FBN2: variants seen among roughly 807,000 people sequenced by gnomAD.
The protein encoded by FBN2 is fibrillin 2.
In FBN2, 105 loss-of-function variants were observed where a neutral mutation model predicts 355.6. That is an observed-to-expected ratio of 0.30 (90% CI 0.25 to 0.35). The LOEUF (loss-of-function observed/expected upper bound fraction) is 0.35. Among genes scored for constraint, FBN2 ranks in the 10% least tolerant of loss-of-function variants. FBN2 has a pLI of 1.00. For synonymous variants in FBN2, 1,350 were observed against 1,301.2 expected, an observed-to-expected ratio of 1.04 and a Z score of -0.81; for missense variants, 3,280 against 3,758.7, an observed-to-expected ratio of 0.87 and a Z score of 3.33.
At chr5:128,325,389 T>C (rs1273044127) in intron 34 of FBN2, among the ~76,000 whole-genome samples, 2 of 152,254 alleles carry the variant, frequency 1.3e-5, no homozygotes, top group African/African-American at 4.8e-5. Flanking sequence ...TTGATCTCTG[T>C]TGGCTTAAAG....
intron 41 of FBN2, among the ~76,000 whole-genome samples, chr5:128,307,412 C>T (rs539441882): frequency 2.0e-5 from 3 of 152,138 alleles, no homozygotes; most frequent in South Asian, 2.1e-4. Context: ...ATTTCTATTA[C>T]TCTCATTAAC....
chr5:128,472,354 T>C (rs921539201), intron 5 of FBN2, among the ~76,000 whole-genome samples: 6 of 151,998 alleles, frequency 3.9e-5, no homozygotes, highest in Admixed American at 6.5e-5. Context: ...TGGCAGGGGT[T>C]TGGGGTGGGA....
At chr5:128,463,850 C>T (rs956336506) in intron 6 of FBN2, among the ~76,000 whole-genome samples, 4 of 152,128 alleles carry the variant, frequency 2.6e-5, no homozygotes, top group Admixed American at 2.6e-4. Context: ...ATAACCCTAA[C>T]TCTCAAAGTC....
intron 5 of FBN2, among the ~76,000 whole-genome samples, chr5:128,502,211 G>C (rs191976545): frequency 6.7e-6 from 1 of 148,550 alleles, no homozygotes; most frequent in African/African-American, 2.5e-5. Flanking sequence ...ACAATAGAAC[G>C]TTTCTCCAAA....
intron 4 of FBN2, among the ~76,000 whole-genome samples, chr5:128,525,765 G>A (rs1440088729): frequency 2.0e-5 from 3 of 152,250 alleles, no homozygotes; most frequent in Admixed American, 6.5e-5. Flanking sequence ...GCTTATTTTT[G>A]TACTTCCCAT....
In FBN2 at chr5:128,395,227, C is replaced by A. The variant is rs746951402; in HGVS notation, c.1126G>T (p.Ala376Ser). 6.8e-6 allele frequency: 11 copies of A among 1,614,082 alleles called. No homozygotes were observed. Among genetic ancestry groups the A allele is most frequent in the Non-Finnish European group, 8.5e-6 (10 of 1,180,000 alleles). The change falls in exon 9 of 65, where the codon GCA becomes TCA. Residue 376 changes from alanine to serine, a missense_variant. Ala to Ser is a moderately conservative substitution (Grantham distance 99). Coordinates refer to ENST00000262464, the MANE Select transcript of FBN2 (RefSeq NM_001999.4). The stretch of plus-strand genomic sequence containing the variant: ...GTCATTCTCCCCGGGAGCTCTTGTG[C>A]ACAGCGGCCATTCACCAGGCCCGAG... ...CFSGLVNGRCAQELPGRMTKM... is the reference protein window; with the variant it reads ...CFSGLVNGRCSQELPGRMTKM...
intron 5 of FBN2, among the ~76,000 whole-genome samples, chr5:128,479,974 CTCTATATA>C (rs1360878520): frequency 3.7e-3 from 64 of 17,208 alleles, no homozygotes; most frequent in Non-Finnish European, 4.1e-3. Flanking sequence ...CTCTCTCTCT[CTCTATATA>C]TATATATATA....
At chr5:128,371,799 T>C (rs1199392323) in intron 15 of FBN2, among the ~76,000 whole-genome samples, 2 of 152,086 alleles carry the variant, frequency 1.3e-5, no homozygotes, top group Admixed American at 6.6e-5. Flanking sequence ...TCCCAAAGTG[T>C]TGGGATTACA....
intron 34 of FBN2, among the ~76,000 whole-genome samples, chr5:128,320,584 C>T (rs1045742917): frequency 3.0e-4 from 45 of 152,162 alleles, no homozygotes; most frequent in African/African-American, 8.4e-4. Context: ...TATAAAAGAA[C>T]GCATTTTAAA....
intron 11 of FBN2, among the ~76,000 whole-genome samples, chr5:128,387,183 T>A (rs1752388276): frequency 6.6e-6 from 1 of 152,184 alleles, no homozygotes; most frequent in Admixed American, 6.5e-5. Flanking sequence ...ATGTTATGTT[T>A]CCAGGAATTT....
Position 128,361,761 on chromosome 5 carries a change from G to A in FBN2, c.2516C>T (p.Pro839Leu), listed in dbSNP as rs1283323687. Residue 839 changes from proline (P) to leucine (L), a missense_variant, in exon 19 of 65, where the codon CCA becomes CTA. Transcript: ENST00000262464. ...TPGSYSCTCPPGYVFRTETET... is the reference protein window; with the variant it reads ...TPGSYSCTCPLGYVFRTETET... ...TGTCTCAGTCCTGAACACATACCCT[G>A]GTGGGCACGTACAGCTGTAACTTCC... 6.2e-7 allele frequency: 1 copy of A among 1,613,986 alleles called. No homozygotes were observed. Among genetic ancestry groups the A allele is most frequent in the Non-Finnish European group, 8.5e-7 (1 of 1,179,992 alleles).
chr5:128,487,399 T>A (rs1181618804), intron 5 of FBN2, among the ~76,000 whole-genome samples: 4 of 152,206 alleles, frequency 2.6e-5, no homozygotes, highest in Non-Finnish European at 5.9e-5. Context: ...TAGGCCATAC[T>A]GACTAATACA....
At chr5:128,523,728 A>G (rs938688157) in intron 4 of FBN2, among the ~76,000 whole-genome samples, 6 of 151,992 alleles carry the variant, frequency 3.9e-5, no homozygotes, top group African/African-American at 1.5e-4. Flanking sequence ...CTATTAATCC[A>G]GCAGCTCCAC....
At chr5:128,478,774 A>C (rs1755071433) in intron 5 of FBN2, among the ~76,000 whole-genome samples, 1 of 152,210 alleles carries the variant, frequency 6.6e-6, no homozygotes, top group African/African-American at 2.4e-5. Flanking sequence ...GGTCAAATAT[A>C]TTACAAGTTG....
At chr5:128,271,251 T>TG (rs1274509996) in intron 62 of FBN2, among the ~76,000 whole-genome samples, 2 of 152,220 alleles carry the variant, frequency 1.3e-5, no homozygotes, top group Non-Finnish European at 2.9e-5. Context: ...AGGACCACAG[T>TG]GCCCCTTTCT....
intron 7 of FBN2, chr5:128,442,284 C>A (rs1186350835): frequency 2.2e-6 from 1 of 455,676 alleles, no homozygotes; most frequent in East Asian, 7.0e-5. Flanking sequence ...GAAAGAATAA[C>A]TAGCTCAAGG....
chr5:128,512,436 C>G (rs1008122253), intron 5 of FBN2, among the ~76,000 whole-genome samples: 1 of 142,032 alleles, frequency 7.0e-6, no homozygotes, highest in Non-Finnish European at 1.5e-5. Context: ...TAGCTTGAAC[C>G]GGGGAGGCGG....
chr5:128,275,763 G>A (rs546388281), intron 59 of FBN2, among the ~76,000 whole-genome samples: 134 of 152,124 alleles, frequency 8.8e-4, no homozygotes, highest in African/African-American at 3.0e-3. Context: ...GATTTGTTTC[G>A]ATCTCTTCCC....
At chr5:128,281,504 C>G (rs1765543867) in intron 55 of FBN2, among the ~76,000 whole-genome samples, 1 of 152,182 alleles carries the variant, frequency 6.6e-6, no homozygotes, top group African/African-American at 2.4e-5. Flanking sequence ...TGCTCTCTCC[C>G]TGAACCACCT....
Sources: gnomAD v4.1 joint callset for allele counts (sites outside exome capture counted in the v4.1 genomes callset) on GRCh38, gnomAD v4.1.1 for gene constraint, MANE v1.5 for transcripts, NCBI Gene and HGNC (gene_info 2026-07-23, HGNC 2026-07-21) for gene names.